The following GOLM2 variants were observed in gnomAD, a reference collection of about 807,000 sequenced individuals.
GOLM2 encodes the protein golgi membrane protein 2.
Under a neutral mutation model 55.9 loss-of-function variants are expected in GOLM2, and 26 were observed. That is an observed-to-expected ratio of 0.47 (90% confidence interval 0.34 to 0.65). GOLM2 has a LOEUF of 0.65. GOLM2 is among the 30% of genes least tolerant of loss of function. GOLM2 has a pLI of 0.01. For missense variants in GOLM2, 486 were observed against 531.8 expected (o/e 0.91, Z 0.85); for synonymous variants, 165 against 194.6 (o/e 0.85, Z 1.27).
At chr15:44,404,957 T>C (rs1332433278) in intron 9 of GOLM2, among the ~76,000 whole-genome samples, 1 of 152,222 alleles carries the variant, frequency 6.6e-6, no homozygotes, top group Non-Finnish European at 1.5e-5. Context: ...CATTGGATAA[T>C]TTTGAGGTTT....
intron 6 of GOLM2, among the ~76,000 whole-genome samples, chr15:44,357,924 T>C (rs778187817): frequency 1.3e-5 from 2 of 152,196 alleles, no homozygotes; most frequent in African/African-American, 4.8e-5. Flanking sequence ...TGGAGAGCTA[T>C]TGAGTTTCAT....
At chr15:44,326,632 T>C (rs907153859) in intron 2 of GOLM2, among the ~76,000 whole-genome samples, 1 of 151,136 alleles carries the variant, frequency 6.6e-6, no homozygotes, top group African/African-American at 2.4e-5. Flanking sequence ...ATCTGCTTTT[T>C]ATTTTTATTT....
Position 44,289,028 on chromosome 15 carries a change from C to T in GOLM2, c.-2C>T. 6.2e-7 allele frequency: 1 copy of T among 1,611,968 alleles called. No individual in the cohort carries two copies. On this transcript the variant is annotated 5_prime_UTR_variant, in exon 1 of 10. Transcript: ENST00000299957. The surrounding 1 kb of genome is among the most constrained non-coding windows in gnomAD (Gnocchi z 4.8). ...CCCTAGGGTACAGCCCGATTTGGCC[C>T]CATGGTGGGTTTCGGGGCCAACCGG...
At chr15:44,344,245 C>T (rs1317069285) in intron 6 of GOLM2, among the ~76,000 whole-genome samples, 4 of 141,034 alleles carry the variant, frequency 2.8e-5, no homozygotes, top group South Asian at 2.2e-4. Context: ...GGTGTCAGAG[C>T]GAGACCCTGT....
At chr15:44,378,481 C>CT (rs990138083) in intron 6 of GOLM2, among the ~76,000 whole-genome samples, 15 of 151,674 alleles carry the variant, frequency 9.9e-5, no homozygotes, top group Non-Finnish European at 1.2e-4. Flanking sequence ...TCTCAGCCTC[C>CT]TAAGTAGCTG....
chr15:44,412,530 G>A (rs1482824979), intron 9 of GOLM2, among the ~76,000 whole-genome samples: 1 of 151,992 alleles, frequency 6.6e-6, no homozygotes, highest in African/African-American at 2.4e-5. Flanking sequence ...TCACTAAAAT[G>A]TTAAATGTTG....
intron 1 of GOLM2, among the ~76,000 whole-genome samples, chr15:44,294,380 C>T (rs1567018269): frequency 6.6e-6 from 1 of 151,798 alleles, no homozygotes; most frequent in African/African-American, 2.4e-5. Flanking sequence ...GAGTTCAAGA[C>T]CACCCTGACT....
rs1038437541 is a variant in GOLM2 at position 44,309,428 on chromosome 15, A to C, written c.328-13537A>C. ...TCAAATCATCAAATTGTGTACCTTA[A>C]ATATATACAATCTTTAATTGTCAAA... On this transcript the variant is annotated intron_variant, in intron 1 of 9. Coordinates refer to ENST00000299957, the MANE Select transcript of GOLM2 (RefSeq NM_138423.4). 5.3e-5 allele frequency among the ~76,000 whole-genome samples: 8 copies of C among 152,324 alleles called. No homozygotes were observed. In the East Asian group the frequency reaches 1.4e-3, roughly 26 times the overall value.
chr15:44,301,381 A>T (rs957985316), intron 1 of GOLM2, among the ~76,000 whole-genome samples: 2 of 152,096 alleles, frequency 1.3e-5, no homozygotes, highest in Non-Finnish European at 2.9e-5. Flanking sequence ...TTCCCACTCA[A>T]TGTTTACATA....
intron 6 of GOLM2, among the ~76,000 whole-genome samples, chr15:44,343,663 T>TAA (rs199750611): frequency 0.014 from 2,051 of 148,922 alleles, 41 homozygotes; most frequent in African/African-American, 0.046. Context: ...CCGTCTGTAC[T>TAA]AAAAATACAA....
chr15:44,401,636 A>G (rs1480492237), intron 8 of GOLM2, among the ~76,000 whole-genome samples: 4 of 152,322 alleles, frequency 2.6e-5, no homozygotes, highest in East Asian at 1.9e-4. Context: ...AAAGTCTTGC[A>G]TTATTAGGAA....
chr15:44,290,005 A>G (rs374387395), intron 1 of GOLM2, among the ~76,000 whole-genome samples: 22 of 152,234 alleles, frequency 1.4e-4, no homozygotes, highest in African/African-American at 5.1e-4. Flanking sequence ...TAATGAAATC[A>G]GCCAAAAGAT....
At chr15:44,329,057 A>G (rs1306472794) in intron 3 of GOLM2, among the ~76,000 whole-genome samples, 6 of 152,198 alleles carry the variant, frequency 3.9e-5, no homozygotes, top group Non-Finnish European at 7.3e-5. Context: ...AAAATCTTAC[A>G]AGCTCTGAGT....
intron 8 of GOLM2, chr15:44,382,012 T>C (rs1360920264): frequency 1.3e-5 from 2 of 152,178 alleles, no homozygotes; most frequent in African/African-American, 4.8e-5. Context: ...TATATGTGAA[T>C]GTATAGTTTG....
At position 44,402,831 on chromosome 15, in the gene GOLM2, G is replaced by GA. The variant is rs1567044741; in HGVS notation, c.1073-55dup. The GA allele has an allele frequency of 3.2e-5, 50 of 1,578,720 alleles. 2 individuals carry two copies. The South Asian group carries it at 4.5e-4, about 14-fold the overall frequency. ...TACTTTCTGGTCTGCCTTCCGTATA[G>GA]ATTCCTTCTTTTCTTCTCTCTTTAC... On this transcript the variant is annotated intron_variant, in intron 8 of 9. Coordinates refer to ENST00000299957, the MANE Select transcript of GOLM2 (RefSeq NM_138423.4).
intron 8 of GOLM2, among the ~76,000 whole-genome samples, chr15:44,393,999 G>A (rs996754953): frequency 6.6e-6 from 1 of 152,020 alleles, no homozygotes; most frequent in Non-Finnish European, 1.5e-5. Flanking sequence ...GACCTACTGT[G>A]CTATTTTATA....
intron 8 of GOLM2, chr15:44,381,963 A>G (rs1431780628): frequency 6.6e-6 from 1 of 152,020 alleles, no homozygotes; most frequent in Non-Finnish European, 1.5e-5. Flanking sequence ...TATTCAAGGT[A>G]TTTTTGTTGA....
intron 8 of GOLM2, among the ~76,000 whole-genome samples, chr15:44,384,529 G>A (rs567189121): frequency 1.8e-4 from 27 of 152,152 alleles, no homozygotes; most frequent in African/African-American, 6.0e-4. Context: ...GGCAGATCAC[G>A]AGGTCAGGAG....
chr15:44,325,141 T>G (rs577380098), intron 2 of GOLM2, among the ~76,000 whole-genome samples: 2 of 152,316 alleles, frequency 1.3e-5, no homozygotes, highest in East Asian at 3.9e-4. Context: ...GTATTAAGCC[T>G]AGTATCCATC....
Sources: allele counts gnomAD v4.1 joint callset (sites outside exome capture counted in the v4.1 genomes callset), GRCh38; gene constraint gnomAD v4.1.1; non-coding constraint Gnocchi (gnomAD v3.1); transcripts MANE v1.5; gene names NCBI Gene and HGNC (gene_info 2026-07-23, HGNC 2026-07-21).